The following KLHL2 variants were observed in gnomAD, a reference collection of about 807,000 sequenced individuals.
KLHL2 encodes kelch like family member 2.
Under a neutral mutation model 75.8 loss-of-function variants are expected in KLHL2, and 15 were observed. That is an observed-to-expected ratio of 0.20 (90% CI 0.13 to 0.30). The LOEUF (loss-of-function observed/expected upper bound fraction) is 0.30, where lower values mean the gene tolerates loss of function less well. KLHL2 is among the 10% of genes least tolerant of loss of function. KLHL2 has a pLI of 1.00. For synonymous variants in KLHL2, 214 were observed against 251.9 expected (o/e 0.85, Z 1.42); for missense variants, 381 against 741.0 (o/e 0.51, Z 5.64).
intron 5 of KLHL2, among the ~76,000 whole-genome samples, chr4:165,273,921 T>C (rs1252454485): frequency 1.3e-5 from 2 of 152,184 alleles, no homozygotes; most frequent in Admixed American, 6.5e-5. Flanking sequence ...CAAATAATTG[T>C]TGTTTAGGTG....
intron 3 of KLHL2, among the ~76,000 whole-genome samples, chr4:165,233,183 G>A (rs1283930933): frequency 6.6e-6 from 1 of 152,122 alleles, no homozygotes; most frequent in African/African-American, 2.4e-5. Flanking sequence ...AGTAGAGAAG[G>A]GAAGTGAAAA....
intron 4 of KLHL2, among the ~76,000 whole-genome samples, chr4:165,254,625 T>C (rs1328956482): frequency 2.0e-5 from 3 of 152,230 alleles, no homozygotes; most frequent in African/African-American, 7.2e-5. Flanking sequence ...TTTGAATATA[T>C]ATTGTCTGGA....
chr4:165,312,000 GA>G (rs1171530348), intron 11 of KLHL2, among the ~76,000 whole-genome samples: 1 of 152,140 alleles, frequency 6.6e-6, no homozygotes, highest in African/African-American at 2.4e-5. Flanking sequence ...GTTTTGGGAT[GA>G]AACTGTTCCC....
intron 12 of KLHL2, among the ~76,000 whole-genome samples, chr4:165,313,696 G>T (rs1746383603): frequency 6.6e-6 from 1 of 152,004 alleles, no homozygotes; most frequent in African/African-American, 2.4e-5. Context: ...AAAATTTTGT[G>T]CTTTAATATG....
chr4:165,278,611 A>C (rs140410269), intron 5 of KLHL2: 112,158 of 1,598,064 alleles, frequency 0.07, 4,355 homozygotes, highest in Middle Eastern at 0.12. Flanking sequence ...CAAGTTTTTC[A>C]ATTTCTTCTG....
At chr4:165,211,372 A>G (rs1264462142) in intron 1 of KLHL2, among the ~76,000 whole-genome samples, 2 of 152,242 alleles carry the variant, frequency 1.3e-5, no homozygotes, top group Non-Finnish European at 2.9e-5. Context: ...ACTTAGCCTT[A>G]TGAAAACTTA....
intron 3 of KLHL2, among the ~76,000 whole-genome samples, chr4:165,236,064 G>A (rs867955293): frequency 6.6e-6 from 1 of 152,078 alleles, no homozygotes; most frequent in Non-Finnish European, 1.5e-5. Context: ...CTACATTGGT[G>A]TTAGCAAGAG....
At chr4:165,263,544 CA>C (rs1741875689) in intron 5 of KLHL2, among the ~76,000 whole-genome samples, 185 bp downstream of exon 5, 1 of 151,656 alleles carries the variant, frequency 6.6e-6, no homozygotes, top group Admixed American at 6.6e-5. Context: ...ACTTAAAAAG[CA>C]AGCAACTATA....
chr4:165,305,241 A>G (rs920220584), intron 8 of KLHL2, among the ~76,000 whole-genome samples: 2 of 152,102 alleles, frequency 1.3e-5, no homozygotes, highest in Non-Finnish European at 2.9e-5. Context: ...TGGAGTTCTA[A>G]TGCCTGGTCA....
At chr4:165,249,669 C>G (rs1236702770) in intron 4 of KLHL2, among the ~76,000 whole-genome samples, 1 of 152,092 alleles carries the variant, frequency 6.6e-6, no homozygotes, top group Non-Finnish European at 1.5e-5. Flanking sequence ...TTGTCTTTTT[C>G]TGTCCCCAAG....
intron 5 of KLHL2, chr4:165,278,487 T>C (rs1234831861): frequency 1.9e-6 from 3 of 1,595,338 alleles, no homozygotes; most frequent in Admixed American, 3.3e-5. Context: ...CATTTATTCG[T>C]GAATTGAGTG....
At chr4:165,323,151 G>C (rs1747093432), downstream of KLHL2, 1 of 152,510 alleles carries the variant, frequency 6.6e-6, no homozygotes, top group African/African-American at 2.4e-5. Flanking sequence ...TATATTATTT[G>C]TTTCACAGTG....
chr4:165,290,783 A>G (rs898923025), intron 5 of KLHL2, among the ~76,000 whole-genome samples: 1 of 152,156 alleles, frequency 6.6e-6, no homozygotes, highest in African/African-American at 2.4e-5. Context: ...CCTAGCCAAC[A>G]TGGTGAAACC....
Position 165,313,237 on chromosome 4 carries a change from G to C in KLHL2, c.1340-1G>C. 6.2e-7 allele frequency: 1 copy of C among 1,608,748 alleles called. No individual in the cohort carries two copies. Among genetic ancestry groups the C allele is most frequent in the South Asian group, 1.1e-5 (1 of 90,362 alleles). Reference sequence around the variant, plus strand: ...GGCTTTCTATGTGATTTTATGTGTAGGTTTGCTCTATGCTGTAGGAGGTTA... The same window carrying C: ...GGCTTTCTATGTGATTTTATGTGTACGTTTGCTCTATGCTGTAGGAGGTTA... On this transcript the variant is annotated splice_acceptor_variant, in intron 11 of 14. Transcript: ENST00000226725. LOFTEE classifies it high-confidence loss of function.
At chr4:165,308,618 T>A (rs1745912235) in intron 9 of KLHL2, among the ~76,000 whole-genome samples, 1 of 152,222 alleles carries the variant, frequency 6.6e-6, no homozygotes, top group Admixed American at 6.5e-5. Flanking sequence ...TCTTCCTCTC[T>A]GTGACCTAAA....
At chr4:165,267,677 G>C (rs911407953) in intron 5 of KLHL2, among the ~76,000 whole-genome samples, 1 of 152,014 alleles carries the variant, frequency 6.6e-6, no homozygotes, top group Non-Finnish European at 1.5e-5. Flanking sequence ...TGATCATGGT[G>C]GATAAGCTTT....
intron 3 of KLHL2, among the ~76,000 whole-genome samples, chr4:165,237,201 C>T (rs1739421742): frequency 6.6e-6 from 1 of 152,106 alleles, no homozygotes; most frequent in Admixed American, 6.5e-5. Context: ...TTCACAGGAT[C>T]CAGCAAGAAT....
chr4:165,209,892 GT>G (rs1737082780), intron 1 of KLHL2: 6 of 694,298 alleles, frequency 8.6e-6, no homozygotes, highest in Non-Finnish European at 1.1e-5. Flanking sequence ...ATCAGAAATA[GT>G]TTTTTTCCTT....
chr4:165,291,857 C>A (rs759542870), intron 5 of KLHL2, among the ~76,000 whole-genome samples: 2 of 151,918 alleles, frequency 1.3e-5, no homozygotes, highest in Non-Finnish European at 2.9e-5. Flanking sequence ...AGAGACAAGC[C>A]GTTACCCAGT....
Sources: allele counts gnomAD v4.1 joint callset (sites outside exome capture counted in the v4.1 genomes callset), GRCh38; gene constraint gnomAD v4.1.1; transcripts MANE v1.5; gene names NCBI Gene and HGNC (gene_info 2026-07-23, HGNC 2026-07-21).